The following PPTC7 variants were observed in gnomAD, a reference collection of about 807,000 sequenced individuals.
PPTC7 encodes protein phosphatase targeting COQ7.
PPTC7 carries 6 observed loss-of-function variants against 30.8 expected under a neutral mutation model. That is an observed-to-expected ratio of 0.19 (90% CI 0.11 to 0.38). The LOEUF (loss-of-function observed/expected upper bound fraction) is 0.38, where lower values mean the gene tolerates loss of function less well. Among genes scored for constraint, PPTC7 ranks in the 10% least tolerant of loss-of-function variants. The probability of loss-of-function intolerance (pLI) is 1.00; values close to 1 mark genes in which losing one functional copy is unlikely to be tolerated. For synonymous variants in PPTC7, 163 were observed against 168.1 expected (o/e 0.97, Z 0.23); for missense variants, 218 against 404.8 (o/e 0.54, Z 3.96).
intron 1 of PPTC7, among the ~76,000 whole-genome samples, chr12:110,579,041 C>A (rs1350619081): frequency 6.6e-6 from 1 of 151,842 alleles, no homozygotes. Flanking sequence ...CCCAGCTACT[C>A]GGAAGGCTGA....
At chr12:110,554,897 T>C (rs2064374379) in intron 1 of PPTC7, among the ~76,000 whole-genome samples, 1 of 152,256 alleles carries the variant, frequency 6.6e-6, no homozygotes, top group African/African-American at 2.4e-5. Context: ...ATGGGAATTT[T>C]TGCCTTTTAC....
At chr12:110,538,100 C>T (rs755339434) in intron 5 of PPTC7, 44 bp downstream of exon 5, 1 of 1,600,962 alleles carries the variant, frequency 6.2e-7, no homozygotes, top group Non-Finnish European at 8.5e-7. Context: ...CTACTGACAC[C>T]ATGTCCCCAG....
At chr12:110,540,515 T>C (rs1398200505) in intron 3 of PPTC7, among the ~76,000 whole-genome samples, 3 of 151,750 alleles carry the variant, frequency 2.0e-5, no homozygotes, top group Non-Finnish European at 4.4e-5. Flanking sequence ...CCACGCCTAA[T>C]TTGTTTTTAC....
At chr12:110,552,077 A>G in intron 1 of PPTC7, 109 bp from the exon 2 acceptor site, 1 of 811,690 alleles carries the variant, frequency 1.2e-6, no homozygotes, top group South Asian at 1.9e-5. Flanking sequence ...TACTACATAC[A>G]TTCACTCCAA....
chr12:110,566,910 G>C (rs929491035), intron 1 of PPTC7, among the ~76,000 whole-genome samples: 1 of 152,154 alleles, frequency 6.6e-6, no homozygotes, highest in Non-Finnish European at 1.5e-5. Context: ...CCTGCACTTT[G>C]AAAAGAATAT....
Position 110,537,101 on chromosome 12 carries a change from A to G in PPTC7, c.857-6T>C, listed in dbSNP as rs1277378597. The stretch of plus-strand genomic sequence containing the variant: ...GATGTCATCTGGCTTTCCACCTACA[A>G]TGAAAATGAGAACCTATCAGTATAT... On this transcript the variant is annotated splice_polypyrimidine_tract_variant and splice_region_variant and intron_variant, in intron 5 of 5. Coordinates refer to ENST00000354300, the MANE Select transcript of PPTC7 (RefSeq NM_139283.2). 6 of 1,600,966 alleles carry G rather than the reference A, an allele frequency of 3.7e-6. No homozygotes were observed. The highest frequency in any genetic ancestry group is 5.1e-6 in the Non-Finnish European group (6 of 1,168,202).
Position 110,582,909 on chromosome 12 carries a change from G to A in PPTC7, c.123C>T (p.Cys41=), listed in dbSNP as rs1225949579. 2 of 1,550,484 alleles carry A rather than the reference G, an allele frequency of 1.3e-6. No individual in the cohort carries two copies. Among genetic ancestry groups the A allele is most frequent in the Non-Finnish European group, 1.7e-6 (2 of 1,147,486 alleles). ...GGDYGLVTAG[C]GFGKDFRKGL... ...CCTTACGGAAGTCCTTCCCGAAGCC[G>A]CAGCCGGCCGTCACCAGTCCGTAGT... Residue 41 remains cysteine (C), a synonymous_variant, in exon 1 of 6, where the codon TGC becomes TGT. Coordinates refer to ENST00000354300, the MANE Select transcript of PPTC7 (RefSeq NM_139283.2).
intron 1 of PPTC7, among the ~76,000 whole-genome samples, chr12:110,553,922 C>T (rs529299632): frequency 3.9e-5 from 6 of 152,280 alleles, no homozygotes; most frequent in Middle Eastern, 3.4e-3. Context: ...AGTACAGTGG[C>T]GTGATCTCAG....
At chr12:110,578,002 T>C (rs1187494655) in intron 1 of PPTC7, among the ~76,000 whole-genome samples, 2 of 152,146 alleles carry the variant, frequency 1.3e-5, no homozygotes, top group Admixed American at 6.5e-5. Context: ...TCAAGAAAAC[T>C]TGACCAGTGG....
intron 1 of PPTC7, among the ~76,000 whole-genome samples, chr12:110,569,362 T>C (rs1391693078): frequency 2.0e-5 from 3 of 151,582 alleles, no homozygotes; most frequent in Middle Eastern, 3.4e-3. Flanking sequence ...TAAATAAAAA[T>C]AAAAAAAGAG....
intron 1 of PPTC7, among the ~76,000 whole-genome samples, chr12:110,561,463 A>G (rs2064437165): frequency 6.6e-6 from 1 of 152,016 alleles, no homozygotes; most frequent in Admixed American, 6.6e-5. Context: ...ACAGGCACCC[A>G]CCACCATGCT....
intron 1 of PPTC7, among the ~76,000 whole-genome samples, chr12:110,579,362 G>T (rs1003568484): frequency 6.6e-6 from 1 of 152,202 alleles, no homozygotes; most frequent in African/African-American, 2.4e-5. Context: ...ATTTGCATAT[G>T]TGCATGCTTG....
chr12:110,578,776 C>T (rs2064610448), intron 1 of PPTC7, among the ~76,000 whole-genome samples: 1 of 152,182 alleles, frequency 6.6e-6, no homozygotes, highest in South Asian at 2.1e-4. Flanking sequence ...CGTTATTACT[C>T]AACATAGCCT....
At chr12:110,566,492 T>A (rs1245065101) in intron 1 of PPTC7, among the ~76,000 whole-genome samples, 1 of 152,186 alleles carries the variant, frequency 6.6e-6, no homozygotes, top group African/African-American at 2.4e-5. Flanking sequence ...CACCTGTGAA[T>A]GGAGTCGTAT....
At chr12:110,542,214 T>C (rs543184949) in intron 3 of PPTC7, among the ~76,000 whole-genome samples, 118 of 151,428 alleles carry the variant, frequency 7.8e-4, no homozygotes, top group African/African-American at 2.7e-3. Context: ...AATATTTGAC[T>C]CTCCAAATTG....
rs2064210843 is a variant in PPTC7, at chr12:110,535,290, T to C, written c.*1747A>G. 6.6e-6 allele frequency: 1 copy of C among 150,954 alleles called. No homozygotes were observed. Among genetic ancestry groups the C allele is most frequent in the African/African-American group, 2.4e-5 (1 of 40,946 alleles). The allele number at this position is 150,954 out of a possible 1,614,324, so 9.4% of individuals were successfully genotyped here. On this transcript the variant is annotated 3_prime_UTR_variant, in exon 6 of 6. Coordinates refer to ENST00000354300, the MANE Select transcript of PPTC7 (RefSeq NM_139283.2). ...ACATGTAATTAAAGGTGATTCAAAATAGATTATCTAACATTATGCCAATTT... is the reference window on the plus strand; with the variant it reads ...ACATGTAATTAAAGGTGATTCAAAACAGATTATCTAACATTATGCCAATTT...
chr12:110,579,487 C>T (rs1176667204), intron 1 of PPTC7, among the ~76,000 whole-genome samples: 2 of 152,204 alleles, frequency 1.3e-5, no homozygotes, highest in African/African-American at 4.8e-5. Context: ...GATCTGATTC[C>T]TATGCATGGA....
At chr12:110,580,759 A>G (rs1052797226) in intron 1 of PPTC7, among the ~76,000 whole-genome samples, 2 of 146,532 alleles carry the variant, frequency 1.4e-5, no homozygotes, top group African/African-American at 5.0e-5. Context: ...TTTTTATTTT[A>G]TTTTTTTTTT....
In PPTC7 at chr12:110,559,823, C is replaced by T. The variant is rs1013873137; in HGVS notation, c.224-7855G>A. Among the ~76,000 whole-genome samples the T allele has an allele frequency of 1.3e-4, 20 of 152,010 alleles. 1 individual carries two copies. Among genetic ancestry groups the T allele is most frequent in the Non-Finnish European group, 2.4e-4 (16 of 68,016 alleles). ...TAATAGCTCACTGCGGCCTCAAACTCCTGAGCTCAAGAGATTCTCCCATTT... is the reference window on the plus strand; with the variant it reads ...TAATAGCTCACTGCGGCCTCAAACTTCTGAGCTCAAGAGATTCTCCCATTT... On this transcript the variant is annotated intron_variant, in intron 1 of 5. Coordinates refer to ENST00000354300, the MANE Select transcript of PPTC7 (RefSeq NM_139283.2).
Sources: allele counts gnomAD v4.1 joint callset (sites outside exome capture counted in the v4.1 genomes callset), GRCh38; gene constraint gnomAD v4.1.1; transcripts MANE v1.5; gene names NCBI Gene and HGNC (gene_info 2026-07-23, HGNC 2026-07-21).